Variants in TNFSF12 observed in about 807,000 individuals in gnomAD.
The protein encoded by TNFSF12 is tumor necrosis factor ligand superfamily member 12.
In TNFSF12, 16 loss-of-function variants were observed where a neutral mutation model predicts 31.2. That is an observed-to-expected ratio of 0.51 (90% CI 0.35 to 0.78). The LOEUF (loss-of-function observed/expected upper bound fraction) is 0.78, where lower values mean the gene tolerates loss of function less well. Among genes scored for constraint, TNFSF12 ranks in the 30% least tolerant of loss-of-function variants. The probability of loss-of-function intolerance (pLI) is 0.01; values close to 1 mark genes in which losing one functional copy is unlikely to be tolerated. For synonymous variants in TNFSF12, 150 were observed against 151.4 expected (o/e 0.99, Z 0.07); for missense variants, 324 against 338.8 (o/e 0.96, Z 0.34).
At position 7,550,217 on chromosome 17, in the gene TNFSF12, C is replaced by A; in HGVS notation, c.283+22C>A. The A allele has an allele frequency of 6.2e-7, 1 of 1,614,096 alleles. No homozygotes were observed. The highest frequency in any genetic ancestry group is 8.5e-7 in the Non-Finnish European group (1 of 1,180,006). On this transcript the variant is annotated intron_variant, in intron 3 of 6. Coordinates refer to ENST00000293825, the MANE Select transcript of TNFSF12 (RefSeq NM_003809.3). This position sits in a 1 kb window ranked among gnomAD's most constrained non-coding sequence, Gnocchi z 4.4. The stretch of plus-strand genomic sequence containing the variant: ...AGTGGTGAGCATCCCTCTATCCCAA[C>A]CTCAGGAAGCGGGCAGAGCAAAAAC...
chr17:7,549,089 C>T lies in TNFSF12; in HGVS notation c.-65C>T. ...CCGGCCCGATCCGCCCGCCGGCTCC[C>T]CCTCCCCCGATCCCTCGGGTCCCGG... On this transcript the variant is annotated 5_prime_UTR_variant, in exon 1 of 7. Coordinates refer to ENST00000293825, the MANE Select transcript of TNFSF12 (RefSeq NM_003809.3). This position sits in a 1 kb window ranked among gnomAD's most constrained non-coding sequence, Gnocchi z 4.1. 1 of 1,227,528 alleles carries T rather than the reference C, an allele frequency of 8.1e-7. No individual in the cohort carries two copies. The highest frequency in any genetic ancestry group is 1.0e-6 in the Non-Finnish European group (1 of 983,288). 76.0% of individuals were successfully genotyped at this position (1,227,528 alleles called of 1,614,324 possible). A position where few individuals can be genotyped will look rare whatever the true frequency, so the allele number is the denominator to read the frequency against.
intron 5 of TNFSF12, among the ~76,000 whole-genome samples, chr17:7,551,942 C>T (rs1006396488): frequency 1.3e-5 from 2 of 152,108 alleles, no homozygotes; most frequent in Non-Finnish European, 2.9e-5. Context: ...TGTGCCACCA[C>T]GCCTGGCTAA....
At position 7,550,707 on chromosome 17, in the gene TNFSF12, C is replaced by T. The variant is rs2150904935; in HGVS notation, c.284-92C>T. ...GGAGTCTGGACAAGAATAAGGATGC[C>T]AGGGTTCCTGAGAGGGGAATGGGGC... On this transcript the variant is annotated intron_variant, in intron 3 of 6. Transcript: ENST00000293825. This position sits in a 1 kb window ranked among gnomAD's most constrained non-coding sequence, Gnocchi z 4.4. The T allele has an allele frequency of 6.5e-7, 1 of 1,538,110 alleles. No homozygotes were observed. Among genetic ancestry groups the T allele is most frequent in the East Asian group, 2.3e-5 (1 of 43,934 alleles).
chr17:7,557,591 T>G lies in TNFSF12; in HGVS notation c.*241T>G. 5 of 544,142 alleles carry G rather than the reference T, an allele frequency of 9.2e-6. No individual in the cohort carries two copies. In the South Asian group the frequency reaches 1.3e-4, roughly 15 times the overall value. 33.7% of individuals were successfully genotyped at this position (544,142 alleles called of 1,614,324 possible). ...TCACTAGCTCCCCAATCCCTGACCC[T>G]TTGAGGCCCCCAGTGATCTCGACTC... is the stretch of plus-strand genomic sequence containing the variant. On this transcript the variant is annotated 3_prime_UTR_variant, in exon 7 of 7. Transcript: ENST00000293825. This position sits in a 1 kb window ranked among gnomAD's most constrained non-coding sequence, Gnocchi z 5.2.
rs1411793424 is a variant in TNFSF12 at position 7,549,207 on chromosome 17, C to A, written c.54C>A (p.Thr18=). ...GGGGGCGCCGGGGGGAGCCGGGCAC[C>A]GCCCTGCTGGTCCCGCTCGCGCTGG... ...RRRGRRGEPG[T]ALLVPLALGL... is the part of the protein sequence containing the mutation. Residue 18 remains threonine (T), a synonymous_variant, in exon 1 of 7, where the codon ACC becomes ACA. Transcript: ENST00000293825. This position sits in a 1 kb window ranked among gnomAD's most constrained non-coding sequence, Gnocchi z 4.1. The A allele has an allele frequency of 2.3e-6, 3 of 1,327,834 alleles. No individual in the cohort carries two copies. The highest frequency in any genetic ancestry group is 2.0e-5 in the South Asian group (1 of 49,686). The allele number at this position is 1,327,834 out of a possible 1,614,324, so 82.3% of individuals were successfully genotyped here.
At position 7,550,704 on chromosome 17, in the gene TNFSF12, T is replaced by G; in HGVS notation, c.284-95T>G. The G allele has an allele frequency of 6.5e-7, 1 of 1,532,546 alleles. No individual in the cohort carries two copies. The highest frequency in any genetic ancestry group is 1.2e-5 in the South Asian group (1 of 82,390). 94.9% of individuals were successfully genotyped at this position (1,532,546 alleles called of 1,614,324 possible). A position where few individuals can be genotyped will look rare whatever the true frequency, so the allele number is the denominator to read the frequency against. ...CCAGGAGTCTGGACAAGAATAAGGA[T>G]GCCAGGGTTCCTGAGAGGGGAATGG... On this transcript the variant is annotated intron_variant, in intron 3 of 6. Coordinates refer to ENST00000293825, the MANE Select transcript of TNFSF12 (RefSeq NM_003809.3). This position sits in a 1 kb window ranked among gnomAD's most constrained non-coding sequence, Gnocchi z 4.4.
chr17:7,557,635 C>G lies in TNFSF12; in HGVS notation c.*285C>G, dbSNP rs1347493808. 7.0e-6 allele frequency: 3 copies of G among 427,686 alleles called. No individual in the cohort carries two copies. The highest frequency in any genetic ancestry group is 6.0e-5 in the African/African-American group (3 of 50,286). The allele number at this position is 427,686 out of a possible 1,614,324, so 26.5% of individuals were successfully genotyped here. On this transcript the variant is annotated 3_prime_UTR_variant, in exon 7 of 7. Coordinates refer to ENST00000293825, the MANE Select transcript of TNFSF12 (RefSeq NM_003809.3). The surrounding 1 kb of genome is among the most constrained non-coding windows in gnomAD (Gnocchi z 5.2). Reference sequence around the variant, plus strand: ...TCGACTCCCCCCTGGCCACAGACCCCCAGGGCATTGTGTTCACTGTACTCT... The same window carrying G: ...TCGACTCCCCCCTGGCCACAGACCCGCAGGGCATTGTGTTCACTGTACTCT...
chr17:7,553,345 G>C (rs915487977), intron 5 of TNFSF12, among the ~76,000 whole-genome samples: 1 of 152,098 alleles, frequency 6.6e-6, no homozygotes, highest in Non-Finnish European at 1.5e-5. Context: ...CACTGCACCC[G>C]GCCTAGGACA....
At position 7,550,130 on chromosome 17, in the gene TNFSF12, C is replaced by T. The variant is rs2070983969; in HGVS notation, c.218C>T (p.Pro73Leu). Reference protein sequence around the residue: ...EEDQDPSELNPQTEESQDPAP... With the variant: ...EEDQDPSELNLQTEESQDPAP... ...CCCTAATTCCCCTAGGAACTGAATC[C>T]CCAGACAGAAGAAAGCCAGGATCCT... The change falls in exon 3 of 7, where the codon CCC becomes CTC. Residue 73 changes from proline (P) to leucine (L), a missense_variant. Pro to Leu is a moderately conservative substitution (Grantham distance 98). Transcript: ENST00000293825. This position sits in a 1 kb window ranked among gnomAD's most constrained non-coding sequence, Gnocchi z 4.4. The T allele has an allele frequency of 6.2e-7, 1 of 1,613,922 alleles. No homozygotes were observed. The highest frequency in any genetic ancestry group is 1.3e-5 in the African/African-American group (1 of 74,856).
Position 7,557,233 on chromosome 17 carries a change from G to T in TNFSF12, c.633G>T (p.Gln211His). ...TCGGGCCCCAGCTCCGCCTCTGCCA[G>T]GTGTCTGGGCTGTTGGCCCTGCGGC... Reference protein sequence around the residue: ...SSLGPQLRLCQVSGLLALRPG... With the variant: ...SSLGPQLRLCHVSGLLALRPG... Residue 211 changes from glutamine to histidine, a missense_variant, in exon 7 of 7, where the codon CAG becomes CAT. Transcript: ENST00000293825. The surrounding 1 kb of genome is among the most constrained non-coding windows in gnomAD (Gnocchi z 5.2). 6.2e-7 allele frequency: 1 copy of T among 1,612,320 alleles called. No homozygotes were observed. The highest frequency in any genetic ancestry group is 8.5e-7 in the Non-Finnish European group (1 of 1,178,744).
chr17:7,556,082 G>A (rs1424647796), intron 5 of TNFSF12, among the ~76,000 whole-genome samples: 4 of 146,950 alleles, frequency 2.7e-5, no homozygotes, highest in Non-Finnish European at 6.0e-5. Flanking sequence ...CCAGGTTCAA[G>A]TAATTCTCCT....
Position 7,549,885 on chromosome 17 carries a change from G to T in TNFSF12, c.208-235G>T, listed in dbSNP as rs2070980555. ...AATGTGCCAATTGAATGCAGGGTCT[G>T]CGTTGGTTGTGTGTGTGGGTGGGAA... On this transcript the variant is annotated intron_variant, in intron 2 of 6. Transcript: ENST00000293825. The surrounding 1 kb of genome is among the most constrained non-coding windows in gnomAD (Gnocchi z 4.1). 1.6e-6 allele frequency: 1 copy of T among 633,442 alleles called. No homozygotes were observed. Among genetic ancestry groups the T allele is most frequent in the Admixed American group, 2.9e-5 (1 of 34,278 alleles). The allele number at this position is 633,442 out of a possible 1,614,324, so 39.2% of individuals were successfully genotyped here. A position where few individuals can be genotyped will look rare whatever the true frequency, so the allele number is the denominator to read the frequency against.
At chr17:7,551,103 G>T in intron 5 of TNFSF12, 125 bp downstream of exon 5, 1 of 1,515,150 alleles carries the variant, frequency 6.6e-7, no homozygotes, top group Non-Finnish European at 8.9e-7. Flanking sequence ...TGAAGGTCTT[G>T]GTTCTCTCTG....
chr17:7,550,317 C>A lies in TNFSF12; in HGVS notation c.283+122C>A, dbSNP rs2070986658. On this transcript the variant is annotated intron_variant, in intron 3 of 6. Transcript: ENST00000293825. This position sits in a 1 kb window ranked among gnomAD's most constrained non-coding sequence, Gnocchi z 4.4. The stretch of plus-strand genomic sequence containing the variant: ...GTCATGCAGCTAACCAGCCAAGACT[C>A]AAACCTAGGGATTCTCGCCCTCCTC... 2.7e-6 allele frequency: 4 copies of A among 1,457,048 alleles called. No homozygotes were observed. The highest frequency in any genetic ancestry group is 2.8e-6 in the Non-Finnish European group (3 of 1,059,736). The allele number at this position is 1,457,048 out of a possible 1,614,324, so 90.3% of individuals were successfully genotyped here. A position where few individuals can be genotyped will look rare whatever the true frequency, so the allele number is the denominator to read the frequency against.
At chr17:7,553,023 C>CTTTCTTTTTTTTT (rs1567721053) in intron 5 of TNFSF12, among the ~76,000 whole-genome samples, 13 of 66,102 alleles carry the variant, frequency 2.0e-4, no homozygotes, top group African/African-American at 5.8e-4. Flanking sequence ...CAGGGACAAC[C>CTTTCTTTTTTTTT]TTTTTTTTTT....
In TNFSF12 at chr17:7,550,657, G is replaced by A. The variant is rs899489882; in HGVS notation, c.284-142G>A. 82 of 1,280,780 alleles carry A rather than the reference G, an allele frequency of 6.4e-5. No individual in the cohort carries two copies. In the African/African-American group the frequency reaches 1.2e-3, roughly 18 times the overall value. 79.3% of individuals were successfully genotyped at this position (1,280,780 alleles called of 1,614,324 possible). On this transcript the variant is annotated intron_variant, in intron 3 of 6. Coordinates refer to ENST00000293825, the MANE Select transcript of TNFSF12 (RefSeq NM_003809.3). The surrounding 1 kb of genome is among the most constrained non-coding windows in gnomAD (Gnocchi z 4.4). ...TATAGTCACTCTACTTACTGAGGAA[G>A]ATGAGGCCTGAGATTCTAAGGCCAG...
rs2070979011 is a variant in TNFSF12, at chr17:7,549,769, A to G, written c.207+248A>G. 1 of 636,394 alleles carries G rather than the reference A, an allele frequency of 1.6e-6. No individual in the cohort carries two copies. The allele number at this position is 636,394 out of a possible 1,614,324, so 39.4% of individuals were successfully genotyped here. A position where few individuals can be genotyped will look rare whatever the true frequency, so the allele number is the denominator to read the frequency against. Reference sequence around the variant, plus strand: ...TATTGGCTGGGGGTGACGTGGTTGTATAAGATATGTGAGTCTGCGTGGAAG... The same window carrying G: ...TATTGGCTGGGGGTGACGTGGTTGTGTAAGATATGTGAGTCTGCGTGGAAG... On this transcript the variant is annotated intron_variant, in intron 2 of 6. Transcript: ENST00000293825. The surrounding 1 kb of genome is among the most constrained non-coding windows in gnomAD (Gnocchi z 4.1).
At chr17:7,551,907 T>C (rs1334290733) in intron 5 of TNFSF12, among the ~76,000 whole-genome samples, 1 of 152,194 alleles carries the variant, frequency 6.6e-6, no homozygotes, top group Non-Finnish European at 1.5e-5. Context: ...CGTCTCAGCC[T>C]TCCAAGTAGC....
chr17:7,556,995 G>A, intron 6 of TNFSF12, 93 bp downstream of exon 6: 2 of 1,205,156 alleles, frequency 1.7e-6, no homozygotes, highest in Admixed American at 2.1e-5. Flanking sequence ...CTGGGAGGGT[G>A]AGTTGGGGTT....
Sources: allele counts gnomAD v4.1 joint callset (sites outside exome capture counted in the v4.1 genomes callset), GRCh38; gene constraint gnomAD v4.1.1; non-coding constraint Gnocchi (gnomAD v3.1); transcripts MANE v1.5; gene names NCBI Gene and HGNC (gene_info 2026-07-23, HGNC 2026-07-21).